DGKB: variants seen among roughly 807,000 people sequenced by gnomAD.
DGKB encodes 90 kDa diacylglycerol kinase.
A neutral mutation model predicts 114.3 loss-of-function variants in DGKB; 67 were observed. The observed-to-expected ratio is 0.59, with a 90% CI of 0.48 to 0.72. The LOEUF (loss-of-function observed/expected upper bound fraction) is 0.72, where lower values mean the gene tolerates loss of function less well. DGKB is among the 30% of genes least tolerant of loss of function. The pLI is 0.00. For missense variants in DGKB, 907 were observed against 975.2 expected, an observed-to-expected ratio of 0.93 and a Z score of 0.93; for synonymous variants, 398 against 323.1, an observed-to-expected ratio of 1.23 and a Z score of -2.49.
At chr7:14,691,855 C>T (rs917240906) in intron 9 of DGKB, among the ~76,000 whole-genome samples, 1 of 151,718 alleles carries the variant, frequency 6.6e-6, no homozygotes, top group African/African-American at 2.4e-5. Context: ...TGGAACACAG[C>T]TCTGATAGCT....
chr7:14,273,082 T>C lies in DGKB; in HGVS notation c.2122+65433A>G, dbSNP rs151064314. Reference sequence around the variant, plus strand: ...CAGTGGGGTCTAGCATGGTGACTCATGCCTGTAATTCCAGCACTTTGGGAG... The same window carrying C: ...CAGTGGGGTCTAGCATGGTGACTCACGCCTGTAATTCCAGCACTTTGGGAG... On this transcript the variant is annotated intron_variant, in intron 23 of 25. Coordinates refer to ENST00000402815, the MANE Select transcript of DGKB (RefSeq NM_001350709.2). 6.6e-3 allele frequency among the ~76,000 whole-genome samples: 1,005 copies of C among 152,274 alleles called. 3 individuals are homozygous for C. The highest frequency in any genetic ancestry group is 0.014 in the African/African-American group (580 of 41,568).
intron 20 of DGKB, among the ~76,000 whole-genome samples, chr7:14,495,150 G>C: frequency 6.6e-6 from 1 of 151,774 alleles, no homozygotes; most frequent in Non-Finnish European, 1.5e-5. Flanking sequence ...ACTGAATTCA[G>C]AGACAAATCC....
chr7:14,798,570 G>A (rs1399789036), intron 2 of DGKB, among the ~76,000 whole-genome samples: 1 of 152,164 alleles, frequency 6.6e-6, no homozygotes, highest in Non-Finnish European at 1.5e-5. Context: ...AGAGCAAAGG[G>A]GGAGTTTTCC....
At chr7:14,695,744 T>C (rs978100052) in intron 8 of DGKB, among the ~76,000 whole-genome samples, 1 of 151,896 alleles carries the variant, frequency 6.6e-6, no homozygotes, top group South Asian at 2.1e-4. Context: ...CCTGACCTCA[T>C]GATCCACCTG....
chr7:14,467,939 T>A lies in DGKB; in HGVS notation c.1835+10222A>T, dbSNP rs1780713924. On this transcript the variant is annotated intron_variant, in intron 21 of 25. Transcript: ENST00000402815. The stretch of plus-strand genomic sequence containing the variant: ...AGCCAGGCTTACCTTCTACTTAATA[T>A]GTCCTGTAAAGAAGTGTTACAACGA... 3.3e-5 allele frequency among the ~76,000 whole-genome samples: 5 copies of A among 152,228 alleles called. No homozygotes were observed. In the South Asian group the frequency reaches 1.0e-3, roughly 32 times the overall value.
At chr7:14,205,119 C>T (rs953867357) in intron 23 of DGKB, among the ~76,000 whole-genome samples, 1 of 151,930 alleles carries the variant, frequency 6.6e-6, no homozygotes, top group African/African-American at 2.4e-5. Context: ...GTGAAAATAG[C>T]CTCTCATCTT....
At chr7:14,220,997 G>A (rs2128323019) in intron 23 of DGKB, among the ~76,000 whole-genome samples, 1 of 151,076 alleles carries the variant, frequency 6.6e-6, no homozygotes, top group Non-Finnish European at 1.5e-5. Context: ...AAATACAATT[G>A]ATTCCTACCT....
chr7:14,560,596 T>A (rs1796514327), intron 20 of DGKB, among the ~76,000 whole-genome samples: 2 of 152,226 alleles, frequency 1.3e-5, no homozygotes, highest in South Asian at 4.1e-4. Context: ...ATCTTCTTTA[T>A]CCATTCATCT....
chr7:14,837,080 C>T (rs1459075337), intron 2 of DGKB, among the ~76,000 whole-genome samples: 2 of 152,198 alleles, frequency 1.3e-5, no homozygotes, highest in Admixed American at 1.3e-4. Context: ...TATACTGATT[C>T]ATTCAACTTA....
chr7:14,718,459 T>G (rs1465500158), intron 6 of DGKB, 83 bp downstream of exon 6: 1 of 1,284,536 alleles, frequency 7.8e-7, no homozygotes, highest in Non-Finnish European at 1.1e-6. Context: ...ACAACTATAC[T>G]AATGCAATTT....
chr7:14,485,014 G>C (rs1342699893), intron 20 of DGKB, among the ~76,000 whole-genome samples: 2 of 150,490 alleles, frequency 1.3e-5, no homozygotes, highest in African/African-American at 4.9e-5. Context: ...AATGGCAAAA[G>C]TAATTATAAA....
At chr7:14,906,613 C>T (rs985170635), upstream of DGKB, among the ~76,000 whole-genome samples, 5 of 151,632 alleles carry the variant, frequency 3.3e-5, no homozygotes, top group African/African-American at 4.8e-5. Context: ...GCCACCATGC[C>T]CAGCTAATTT....
intron 2 of DGKB, among the ~76,000 whole-genome samples, chr7:14,797,172 C>T (rs547378594): frequency 6.6e-6 from 1 of 152,256 alleles, no homozygotes; most frequent in Non-Finnish European, 1.5e-5. Flanking sequence ...GTGCAAGCAG[C>T]AAAGTTCTAG....
At chr7:14,743,239 G>C (rs944268097) in intron 4 of DGKB, among the ~76,000 whole-genome samples, 1 of 152,260 alleles carries the variant, frequency 6.6e-6, no homozygotes, top group Admixed American at 6.5e-5. Context: ...CCTTGTTGAA[G>C]ATTTCTATGT....
intron 21 of DGKB, among the ~76,000 whole-genome samples, chr7:14,383,146 G>T (rs144620417): frequency 6.6e-6 from 1 of 152,158 alleles, no homozygotes; most frequent in African/African-American, 2.4e-5. Context: ...ATTTTCAATA[G>T]TATCTCCTGT....
chr7:14,786,425 T>C (rs1839901968), intron 2 of DGKB, among the ~76,000 whole-genome samples: 2 of 152,210 alleles, frequency 1.3e-5, no homozygotes, highest in African/African-American at 2.4e-5. Context: ...TCCTGTAAAA[T>C]TGATGGCAGC....
chr7:14,707,136 T>C (rs1826416520), intron 6 of DGKB, among the ~76,000 whole-genome samples: 1 of 134,746 alleles, frequency 7.4e-6, no homozygotes, highest in Non-Finnish European at 1.6e-5. Flanking sequence ...AAAGGGGATA[T>C]CACCACCGAT....
At chr7:14,853,642 G>A (rs1195588402) in intron 1 of DGKB, among the ~76,000 whole-genome samples, 1 of 151,856 alleles carries the variant, frequency 6.6e-6, no homozygotes, top group Non-Finnish European at 1.5e-5. Flanking sequence ...GGATGACGTG[G>A]TCAGGACATC....
intron 23 of DGKB, among the ~76,000 whole-genome samples, chr7:14,287,583 A>G (rs1283858668): frequency 1.3e-5 from 2 of 152,162 alleles, no homozygotes; most frequent in Non-Finnish European, 2.9e-5. Flanking sequence ...AAACTGTGTC[A>G]CTATAAATAC....
Sources: allele counts gnomAD v4.1 joint callset (sites outside exome capture counted in the v4.1 genomes callset), GRCh38; gene constraint gnomAD v4.1.1; transcripts MANE v1.5; gene names NCBI Gene and HGNC (gene_info 2026-07-23, HGNC 2026-07-21).